The following GFRA2 variants were observed in gnomAD, a reference collection of about 807,000 sequenced individuals.
GFRA2 encodes GDNF family receptor alpha-2.
GFRA2 carries 17 observed loss-of-function variants against 48.3 expected under a neutral mutation model. The ratio of observed to expected loss-of-function variants is 0.35; its 90% CI spans 0.24 to 0.53. The LOEUF is 0.53. GFRA2 is among the 20% of genes least tolerant of loss of function. The pLI, the probability that GFRA2 is intolerant of heterozygous loss-of-function variation, is 0.93. For synonymous variants in GFRA2, 305 were observed against 257.2 expected (o/e 1.19, Z -1.78); for missense variants, 660 against 637.3 (o/e 1.04, Z -0.38).
chr8:21,740,294 C>T (rs377120065), intron 4 of GFRA2, among the ~76,000 whole-genome samples: 1 of 152,224 alleles, frequency 6.6e-6, no homozygotes, highest in Non-Finnish European at 1.5e-5. Flanking sequence ...TCAGCCATGT[C>T]TCCACCCAAA....
At chr8:21,705,183 G>A in intron 5 of GFRA2, 58 bp from the exon 6 acceptor site, 10 of 1,543,254 alleles carry the variant, frequency 6.5e-6, no homozygotes, top group African/African-American at 1.4e-5. Flanking sequence ...TTCCCCTTGG[G>A]CCCACAGACC....
At chr8:21,772,316 T>G (rs1806476396) in intron 3 of GFRA2, among the ~76,000 whole-genome samples, 1 of 152,178 alleles carries the variant, frequency 6.6e-6, no homozygotes, top group Non-Finnish European at 1.5e-5. Flanking sequence ...TTGGGAGGTT[T>G]TTTTGAGACA....
intron 4 of GFRA2, among the ~76,000 whole-genome samples, chr8:21,727,965 T>C (rs190870206): frequency 7.2e-5 from 11 of 152,298 alleles, no homozygotes; most frequent in Non-Finnish European, 1.3e-4. Flanking sequence ...ACACTCCTTC[T>C]ACCATAGGAA....
intron 4 of GFRA2, among the ~76,000 whole-genome samples, chr8:21,726,415 G>A (rs541102223): frequency 2.0e-5 from 3 of 152,340 alleles, no homozygotes; most frequent in East Asian, 1.9e-4. Flanking sequence ...TCCTAGGGCA[G>A]CTGTAACAAA....
At position 21,782,790 on chromosome 8, in the gene GFRA2, T is replaced by C. The variant is rs1807075975; in HGVS notation, c.150A>G (p.Glu50=). The change falls in exon 2 of 9, where the codon GAA becomes GAG. Residue 50 remains glutamate, a synonymous_variant. Coordinates refer to ENST00000524240, the MANE Select transcript of GFRA2 (RefSeq NM_001495.5). ...CVRANELCAA[E]SNCSSRYRTL... is the part of the protein sequence containing the mutation. ...TGCGGTAGCGAGAGCTGCAGTTGGA[T>C]TCGGCGGCACACAGCTCATTGGCCC... 3.6e-5 allele frequency: 57 copies of C among 1,586,420 alleles called. No homozygotes were observed. Among genetic ancestry groups the C allele is most frequent in the Non-Finnish European group, 4.8e-5 (56 of 1,170,264 alleles).
At chr8:21,776,672 T>C (rs2117715433) in intron 2 of GFRA2, among the ~76,000 whole-genome samples, 1 of 152,188 alleles carries the variant, frequency 6.6e-6, no homozygotes, top group Non-Finnish European at 1.5e-5. Flanking sequence ...GGTTTCACCA[T>C]GTTGGCCAGG....
intron 2 of GFRA2, among the ~76,000 whole-genome samples, chr8:21,799,640 A>T (rs1807737934): frequency 6.6e-6 from 1 of 152,086 alleles, no homozygotes; most frequent in Admixed American, 6.5e-5. Context: ...CACACAATAA[A>T]CTGCCTTATT....
In GFRA2 at chr8:21,705,585, G is replaced by A. The variant is rs559212109; in HGVS notation, c.904+347C>T. Among the ~76,000 whole-genome samples, 90 of 152,330 alleles carry A rather than the reference G, an allele frequency of 5.9e-4. 1 individual carries two copies. The Middle Eastern group carries it at 0.01, about 17-fold the overall frequency. The stretch of plus-strand genomic sequence containing the variant: ...ATAAAATGGAGATTATCAGCACCCC[G>A]CTAGCAAGAGCTGTTGGGAGAATTC... On this transcript the variant is annotated intron_variant, in intron 5 of 8. Coordinates refer to ENST00000524240, the MANE Select transcript of GFRA2 (RefSeq NM_001495.5).
At chr8:21,728,268 T>TG (rs1563231691) in intron 4 of GFRA2, among the ~76,000 whole-genome samples, 1 of 129,220 alleles carries the variant, frequency 7.7e-6, no homozygotes, top group African/African-American at 2.9e-5. Flanking sequence ...GAACCAGGTT[T>TG]TTTTTTTTTT....
Position 21,730,293 on chromosome 8 carries a change from C to T in GFRA2, c.794+20295G>A, listed in dbSNP as rs1036081917. On this transcript the variant is annotated intron_variant, in intron 4 of 8. Transcript: ENST00000524240. ...GTGGTGCATGCCTGTAGTGCAGCTA[C>T]TTGGGAGGCTGAAGCAGGAGAATCA... 2.0e-5 allele frequency among the ~76,000 whole-genome samples: 3 copies of T among 152,014 alleles called. No individual in the cohort carries two copies. In the South Asian group the frequency reaches 6.2e-4, roughly 32 times the overall value.
intron 7 of GFRA2, among the ~76,000 whole-genome samples, chr8:21,701,668 T>G (rs766451488): frequency 3.3e-5 from 5 of 152,162 alleles, no homozygotes; most frequent in Non-Finnish European, 7.3e-5. Context: ...ACCAAGCACT[T>G]TCGCATGTAT....
intron 2 of GFRA2, among the ~76,000 whole-genome samples, chr8:21,778,308 T>C (rs1185951247): frequency 6.6e-6 from 1 of 152,054 alleles, no homozygotes; most frequent in Non-Finnish European, 1.5e-5. Context: ...ACAAGAACAC[T>C]ACCTGGAGGC....
intron 2 of GFRA2, 139 bp from the exon 3 acceptor site, chr8:21,775,194 C>G: frequency 1.6e-6 from 1 of 624,782 alleles, no homozygotes; most frequent in Non-Finnish European, 2.9e-6. Context: ...GCAGCCCTTC[C>G]CAAAGTGAAG....
intron 4 of GFRA2, among the ~76,000 whole-genome samples, chr8:21,712,409 G>T (rs1803095225): frequency 6.6e-6 from 1 of 151,958 alleles, no homozygotes; most frequent in Non-Finnish European, 1.5e-5. Context: ...TCAGACGATG[G>T]GCGGCCGGGC....
At chr8:21,717,044 C>G (rs1408097282) in intron 4 of GFRA2, among the ~76,000 whole-genome samples, 1 of 152,244 alleles carries the variant, frequency 6.6e-6, no homozygotes, top group Non-Finnish European at 1.5e-5. Flanking sequence ...CAGCCGGCTG[C>G]TCTCTTGGAG....
At chr8:21,754,147 T>C (rs1361577325) in intron 3 of GFRA2, among the ~76,000 whole-genome samples, 1 of 152,208 alleles carries the variant, frequency 6.6e-6, no homozygotes, top group Non-Finnish European at 1.5e-5. Flanking sequence ...CTCATCACTA[T>C]CTGCCATGGT....
intron 3 of GFRA2, among the ~76,000 whole-genome samples, chr8:21,757,597 G>A (rs1267203426): frequency 1.3e-5 from 2 of 150,918 alleles, no homozygotes; most frequent in Non-Finnish European, 2.9e-5. Context: ...AGGTTCAGGC[G>A]ATTCTCCTGC....
chr8:21,708,408 C>T (rs1488189414), intron 4 of GFRA2, among the ~76,000 whole-genome samples: 1 of 152,128 alleles, frequency 6.6e-6, no homozygotes, highest in Non-Finnish European at 1.5e-5. Flanking sequence ...CCATTCATGT[C>T]CCAGACCTCC....
At chr8:21,732,388 C>G (rs1804241424) in intron 4 of GFRA2, among the ~76,000 whole-genome samples, 5 of 152,180 alleles carry the variant, frequency 3.3e-5, no homozygotes, top group Non-Finnish European at 1.5e-5. Context: ...GTCCTATGGC[C>G]CAGATGCAAG....
Sources: gnomAD v4.1 joint callset for allele counts (sites outside exome capture counted in the v4.1 genomes callset) on GRCh38, gnomAD v4.1.1 for gene constraint, MANE v1.5 for transcripts, NCBI Gene and HGNC (gene_info 2026-07-23, HGNC 2026-07-21) for gene names.